The following FAM210B variants were observed in gnomAD, a reference collection of about 807,000 sequenced individuals.
FAM210B encodes family with sequence similarity 210 member B.
Under a neutral mutation model 14.9 loss-of-function variants are expected in FAM210B, and 11 were observed. The ratio of observed to expected loss-of-function variants is 0.74; its 90% CI spans 0.46 to 1.22. The LOEUF (loss-of-function observed/expected upper bound fraction) is 1.22, where lower values mean the gene tolerates loss of function less well. FAM210B is among the 50% of genes most tolerant of loss of function. The probability of loss-of-function intolerance (pLI) is 0.00; values close to 1 mark genes in which losing one functional copy is unlikely to be tolerated. For synonymous variants in FAM210B, 113 were observed against 110.2 expected (o/e 1.03, Z -0.16); for missense variants, 229 against 250.1 (o/e 0.92, Z 0.57).
rs569320841 is a variant in FAM210B at position 56,360,132 on chromosome 20, C to T, written c.186+941C>T. The stretch of plus-strand genomic sequence containing the variant: ...GGAGCGGATGGGGATTGGACCCAGG[C>T]TTTCATCATGCCTCCTGCCCAGATC... On this transcript the variant is annotated intron_variant, in intron 1 of 2. Coordinates refer to ENST00000371384, the MANE Select transcript of FAM210B (RefSeq NM_080821.3). 1.5e-5 allele frequency: 7 copies of T among 464,554 alleles called. No homozygotes were observed. The Admixed American group carries it at 1.7e-4, about 11-fold the overall frequency. 28.8% of individuals were successfully genotyped at this position (464,554 alleles called of 1,614,324 possible). A position where few individuals can be genotyped will look rare whatever the true frequency, so the allele number is the denominator to read the frequency against.
chr20:56,361,956 G>A (rs190262964), intron 1 of FAM210B, among the ~76,000 whole-genome samples: 87 of 152,164 alleles, frequency 5.7e-4, no homozygotes, highest in African/African-American at 2.0e-3. Flanking sequence ...CAGCCTGGAC[G>A]ACAGAGCACG....
rs1008855000 is a variant in FAM210B, at chr20:56,367,879, T to G, written c.*1592T>G. 1.3e-5 allele frequency: 2 copies of G among 152,194 alleles called. No homozygotes were observed. Among genetic ancestry groups the G allele is most frequent in the African/African-American group, 4.8e-5 (2 of 41,442 alleles). 9.4% of individuals were successfully genotyped at this position (152,194 alleles called of 1,614,324 possible). A position where few individuals can be genotyped will look rare whatever the true frequency, so the allele number is the denominator to read the frequency against. ...TTTCTGGCTCCTAATTCCTTTAAAA[T>G]TACATTTGTTGCAGAACCTCCACAA... On this transcript the variant is annotated 3_prime_UTR_variant, in exon 3 of 3. Transcript: ENST00000371384.
rs201089465 is a variant in FAM210B, at chr20:56,362,341, T to C, written c.187-2746T>C. On this transcript the variant is annotated intron_variant, in intron 1 of 2. Transcript: ENST00000371384. This position sits in a 1 kb window ranked among gnomAD's most constrained non-coding sequence, Gnocchi z 4.8. ...AGGGGCATCTCACACACACACTGTC[T>C]CACACACACTCTCACACACATGTGC... Among the ~76,000 whole-genome samples the C allele has an allele frequency of 6.6e-5, 10 of 151,606 alleles. No homozygotes were observed. The highest frequency in any genetic ancestry group is 5.9e-4 in the Admixed American group (9 of 15,224).
chr20:56,359,010 C>A lies in FAM210B; in HGVS notation c.5C>A (p.Ala2Asp). The A allele has an allele frequency of 7.6e-7, 1 of 1,316,850 alleles. No individual in the cohort carries two copies. Among genetic ancestry groups the A allele is most frequent in the Non-Finnish European group, 9.7e-7 (1 of 1,028,082 alleles). 81.6% of individuals were successfully genotyped at this position (1,316,850 alleles called of 1,614,324 possible). A position where few individuals can be genotyped will look rare whatever the true frequency, so the allele number is the denominator to read the frequency against. Reference protein sequence around the residue: MAGLLALLGPAG... With the variant: MDGLLALLGPAG... ...TGCTGCGCCTAGCTGCGCACCATGG[C>A]CGGGTTGCTGGCGTTGCTGGGTCCG... Residue 2 changes from alanine (A) to aspartate (D), a missense_variant, in exon 1 of 3, where the codon GCC becomes GAC. Ala to Asp is a moderately radical substitution (Grantham distance 126, BLOSUM62 -2). Transcript: ENST00000371384. The surrounding 1 kb of genome is among the most constrained non-coding windows in gnomAD (Gnocchi z 4.3).
At position 56,366,685 on chromosome 20, in the gene FAM210B, C is replaced by T. The variant is rs1983642602; in HGVS notation, c.*398C>T. The T allele has an allele frequency of 5.7e-6, 1 of 176,492 alleles. No homozygotes were observed. Among genetic ancestry groups the T allele is most frequent in the African/African-American group, 2.4e-5 (1 of 41,712 alleles). The allele number at this position is 176,492 out of a possible 1,614,324, so 10.9% of individuals were successfully genotyped here. Reference sequence around the variant, plus strand: ...TAATTTAACTGGCTTTTAAATATCCCCTTCCGCTGATATTTGTTGTCAGCT... The same window carrying T: ...TAATTTAACTGGCTTTTAAATATCCTCTTCCGCTGATATTTGTTGTCAGCT... On this transcript the variant is annotated 3_prime_UTR_variant, in exon 3 of 3. Coordinates refer to ENST00000371384, the MANE Select transcript of FAM210B (RefSeq NM_080821.3).
rs934162663 is a variant in FAM210B, at chr20:56,363,331, A to G, written c.187-1756A>G. The stretch of plus-strand genomic sequence containing the variant: ...TCCATCTGTCAAAACAGGAGCGACA[A>G]AGGTTCCTGGGTCATGAGGCAGTGA... On this transcript the variant is annotated intron_variant, in intron 1 of 2. Transcript: ENST00000371384. This position sits in a 1 kb window ranked among gnomAD's most constrained non-coding sequence, Gnocchi z 4.1. 3.9e-5 allele frequency among the ~76,000 whole-genome samples: 6 copies of G among 152,134 alleles called. No homozygotes were observed. The highest frequency in any genetic ancestry group is 1.4e-4 in the African/African-American group (6 of 41,414).
rs540654818 is a variant in FAM210B, at chr20:56,367,194, T to C, written c.*907T>C. 2 of 152,354 alleles carry C rather than the reference T, an allele frequency of 1.3e-5. No individual in the cohort carries two copies. Among genetic ancestry groups the C allele is most frequent in the East Asian group, 3.9e-4 (2 of 5,188 alleles). 9.4% of individuals were successfully genotyped at this position (152,354 alleles called of 1,614,324 possible). A position where few individuals can be genotyped will look rare whatever the true frequency, so the allele number is the denominator to read the frequency against. On this transcript the variant is annotated 3_prime_UTR_variant, in exon 3 of 3. Coordinates refer to ENST00000371384, the MANE Select transcript of FAM210B (RefSeq NM_080821.3). Reference sequence around the variant, plus strand: ...TTTTGTATCACTTCTTAAAAAGGAATATTCATAGCACTTGTCACAAATAGA... The same window carrying C: ...TTTTGTATCACTTCTTAAAAAGGAACATTCATAGCACTTGTCACAAATAGA...
chr20:56,364,487 C>T (rs1041804410), intron 1 of FAM210B, among the ~76,000 whole-genome samples: 1 of 152,122 alleles, frequency 6.6e-6, no homozygotes, highest in Non-Finnish European at 1.5e-5. Context: ...CCAGGTAATC[C>T]GGGATCATCT....
chr20:56,366,532 A>G lies in FAM210B; in HGVS notation c.*245A>G. ...ATATAATCTAAAATGTCAGCAAGGC[A>G]TCGGAGATGGGTTAACATCTCAAAA... On this transcript the variant is annotated 3_prime_UTR_variant, in exon 3 of 3. Transcript: ENST00000371384. 1 of 445,848 alleles carries G rather than the reference A, an allele frequency of 2.2e-6. No individual in the cohort carries two copies. The highest frequency in any genetic ancestry group is 2.8e-5 in the South Asian group (1 of 35,690). 27.6% of individuals were successfully genotyped at this position (445,848 alleles called of 1,614,324 possible). A position where few individuals can be genotyped will look rare whatever the true frequency, so the allele number is the denominator to read the frequency against.
In FAM210B at chr20:56,363,824, GC is replaced by G. The variant is rs1983578576; in HGVS notation, c.187-1261del. Among the ~76,000 whole-genome samples the G allele has an allele frequency of 6.6e-6, 1 of 152,192 alleles. No homozygotes were observed. Among genetic ancestry groups the G allele is most frequent in the Non-Finnish European group, 1.5e-5 (1 of 68,030 alleles). The stretch of plus-strand genomic sequence containing the variant: ...AAATCTTGATTCTAGGAGTAAATCT[GC>G]CATCGCTTTTGCTGCATTAATTTTG... On this transcript the variant is annotated intron_variant, in intron 1 of 2. Coordinates refer to ENST00000371384, the MANE Select transcript of FAM210B (RefSeq NM_080821.3). The surrounding 1 kb of genome is among the most constrained non-coding windows in gnomAD (Gnocchi z 4.1).
In FAM210B at chr20:56,360,195, A is replaced by C. The variant is rs1317778404; in HGVS notation, c.186+1004A>C. 1.3e-5 allele frequency: 6 copies of C among 470,602 alleles called. 1 individual carries two copies. The highest frequency in any genetic ancestry group is 7.7e-5 in the South Asian group (5 of 64,560). The allele number at this position is 470,602 out of a possible 1,614,324, so 29.2% of individuals were successfully genotyped here. A position where few individuals can be genotyped will look rare whatever the true frequency, so the allele number is the denominator to read the frequency against. On this transcript the variant is annotated intron_variant, in intron 1 of 2. Coordinates refer to ENST00000371384, the MANE Select transcript of FAM210B (RefSeq NM_080821.3). ...TGCCTTCTCCAGTCCGACAGGTGGC[A>C]CACAGGTCTTGGGGATCCTCTCCAG...
In FAM210B at chr20:56,363,749, G is replaced by A. The variant is rs1983577358; in HGVS notation, c.187-1338G>A. ...ATGATTTCTGTACAAGTCCTGGTAG[G>A]GCACTGTGCAAAAATCGCCCCCACT... On this transcript the variant is annotated intron_variant, in intron 1 of 2. Transcript: ENST00000371384. This position sits in a 1 kb window ranked among gnomAD's most constrained non-coding sequence, Gnocchi z 4.1. Among the ~76,000 whole-genome samples, 2 of 152,158 alleles carry A rather than the reference G, an allele frequency of 1.3e-5. No homozygotes were observed. The highest frequency in any genetic ancestry group is 4.1e-4 in the South Asian group (2 of 4,826).
In FAM210B at chr20:56,362,341, TCA is replaced by T. The variant is rs10643320; in HGVS notation, c.187-2738_187-2737del. Among the ~76,000 whole-genome samples, 3 of 151,606 alleles carry T rather than the reference TCA, an allele frequency of 2.0e-5. No homozygotes were observed. Among genetic ancestry groups the T allele is most frequent in the African/African-American group, 7.3e-5 (3 of 41,176 alleles). ...AGGGGCATCTCACACACACACTGTC[TCA>T]CACACACTCTCACACACATGTGCAT... On this transcript the variant is annotated intron_variant, in intron 1 of 2. Transcript: ENST00000371384. The surrounding 1 kb of genome is among the most constrained non-coding windows in gnomAD (Gnocchi z 4.8).
chr20:56,366,066 C>G lies in FAM210B; in HGVS notation c.363-5C>G, dbSNP rs540927699. ...TAATTGTTTTCTTTGCTTCTTCCCC[C>G]CTAGTGGTGTGGACATGCCTGCAAT... On this transcript the variant is annotated splice_region_variant and splice_polypyrimidine_tract_variant and intron_variant, in intron 2 of 2. Transcript: ENST00000371384. 6.2e-7 allele frequency: 1 copy of G among 1,611,520 alleles called. No homozygotes were observed. The highest frequency in any genetic ancestry group is 1.3e-5 in the African/African-American group (1 of 74,704).
Position 56,363,922 on chromosome 20 carries a change from G to C in FAM210B, c.187-1165G>C, listed in dbSNP as rs1983579920. The stretch of plus-strand genomic sequence containing the variant: ...TCAGGCTGTGGCCTTGGAGGGCCTG[G>C]GTTCTAATCTTGGTGACATCAGGCC... On this transcript the variant is annotated intron_variant, in intron 1 of 2. Transcript: ENST00000371384. This position sits in a 1 kb window ranked among gnomAD's most constrained non-coding sequence, Gnocchi z 4.1. Among the ~76,000 whole-genome samples, 1 of 152,180 alleles carries C rather than the reference G, an allele frequency of 6.6e-6. No individual in the cohort carries two copies. The highest frequency in any genetic ancestry group is 2.4e-5 in the African/African-American group (1 of 41,444).
rs764840904 is a variant in FAM210B, at chr20:56,365,268, A to G, written c.362+6A>G. The stretch of plus-strand genomic sequence containing the variant: ...TTTTACATGGTTGTGTCAAGGTAAG[A>G]TTTTTGACAGTAATTAATATTTGTT... On this transcript the variant is annotated splice_donor_region_variant and intron_variant, in intron 2 of 2. Transcript: ENST00000371384. The G allele has an allele frequency of 1.2e-6, 2 of 1,608,182 alleles. No individual in the cohort carries two copies. The highest frequency in any genetic ancestry group is 1.3e-5 in the African/African-American group (1 of 74,588).
In FAM210B at chr20:56,359,028, T is replaced by A; in HGVS notation, c.23T>A (p.Leu8Gln). Residue 8 changes from leucine (L) to glutamine (Q), a missense_variant, in exon 1 of 3, where the codon CTG becomes CAG. Around this residue, in one of 3 missense-constraint regions of FAM210B, gnomAD observed 144 missense variants for 132.5 expected, o/e 1.09. Transcript: ENST00000371384. This position sits in a 1 kb window ranked among gnomAD's most constrained non-coding sequence, Gnocchi z 4.3. ...ACCATGGCCGGGTTGCTGGCGTTGCTGGGTCCGGCAGGCAGGGTGGGCGCC... is the reference window on the plus strand; with the variant it reads ...ACCATGGCCGGGTTGCTGGCGTTGCAGGGTCCGGCAGGCAGGGTGGGCGCC... Reference protein sequence around the residue: MAGLLALLGPAGRVGARV... With the variant: MAGLLALQGPAGRVGARV... 7.4e-7 allele frequency: 1 copy of A among 1,343,842 alleles called. No individual in the cohort carries two copies. The highest frequency in any genetic ancestry group is 1.6e-5 in the South Asian group (1 of 61,072). The allele number at this position is 1,343,842 out of a possible 1,614,324, so 83.2% of individuals were successfully genotyped here.
At chr20:56,361,704 C>T (rs1272298661) in intron 1 of FAM210B, among the ~76,000 whole-genome samples, 1 of 152,144 alleles carries the variant, frequency 6.6e-6, no homozygotes, top group African/African-American at 2.4e-5. Context: ...AGGCCGGGCG[C>T]GGTGGCTCAC....
rs980640805 is a variant in FAM210B at position 56,363,689 on chromosome 20, G to A, written c.187-1398G>A. On this transcript the variant is annotated intron_variant, in intron 1 of 2. Transcript: ENST00000371384. The surrounding 1 kb of genome is among the most constrained non-coding windows in gnomAD (Gnocchi z 4.1). ...CCCACACATTCCAGGCTTGGTAGGT[G>A]CTCAGTAACTGTTAGCAGATGTCCC... Among the ~76,000 whole-genome samples the A allele has an allele frequency of 6.6e-6, 1 of 152,172 alleles. No homozygotes were observed. The highest frequency in any genetic ancestry group is 2.4e-5 in the African/African-American group (1 of 41,430).
Sources: gnomAD v4.1 joint callset for allele counts (sites outside exome capture counted in the v4.1 genomes callset) on GRCh38, gnomAD v4.1.1 for gene constraint, gnomAD v4.1.1 regional missense constraint, Gnocchi (gnomAD v3.1) non-coding constraint, MANE v1.5 for transcripts, NCBI Gene and HGNC (gene_info 2026-07-23, HGNC 2026-07-21) for gene names.